Variants in CEBPZ observed in about 807,000 individuals in gnomAD.
The protein encoded by CEBPZ is CCAAT/enhancer-binding protein zeta.
CEBPZ carries 78 observed loss-of-function variants against 104.5 expected under a neutral mutation model. The ratio of observed to expected loss-of-function variants is 0.75; its 90% CI spans 0.62 to 0.90. The LOEUF is 0.90. Ranked by LOEUF, CEBPZ falls within the 40% of genes least tolerant of loss-of-function variation. The probability of loss-of-function intolerance (pLI) is 0.00; values close to 1 mark genes in which losing one functional copy is unlikely to be tolerated. For missense variants in CEBPZ, 1,439 were observed against 1,233.5 expected, an observed-to-expected ratio of 1.17 and a Z score of -2.50; for synonymous variants, 470 against 427.0, an observed-to-expected ratio of 1.10 and a Z score of -1.24.
At chr2:37,211,395 G>A (rs945852788) in intron 12 of CEBPZ, 1 of 251,642 alleles carries the variant, frequency 4.0e-6, no homozygotes, top group African/African-American at 2.2e-5. Context: ...ATGTTGGGCA[G>A]GCATGTGCAT....
chr2:37,223,384 C>T lies in CEBPZ; in HGVS notation c.1667G>A (p.Gly556Glu). Residue 556 changes from glycine (G) to glutamate (E), a missense_variant, in exon 3 of 16, where the codon GGG (glycine) becomes GAG (glutamate). Transcript: ENST00000234170. ...TALYRKMLDP[G>E]LMTCSKQAMF... ...AGCTTGCTTGGAACACGTCATCAACCCTGGATCCAACATCTTCCTGCAAAA... is the reference window on the plus strand; with the variant it reads ...AGCTTGCTTGGAACACGTCATCAACTCTGGATCCAACATCTTCCTGCAAAA... The T allele has an allele frequency of 6.2e-7, 1 of 1,613,850 alleles. No homozygotes were observed. Among genetic ancestry groups the T allele is most frequent in the Non-Finnish European group, 8.5e-7 (1 of 1,179,858 alleles).
intron 9 of CEBPZ, among the ~76,000 whole-genome samples, chr2:37,214,437 C>T (rs985282212): frequency 6.6e-6 from 1 of 152,042 alleles, no homozygotes; most frequent in African/African-American, 2.4e-5. Flanking sequence ...ATAAATTACC[C>T]ATGAGTTATC....
intron 4 of CEBPZ, among the ~76,000 whole-genome samples, 186 bp downstream of exon 4, chr2:37,222,194 G>A (rs1558476004): frequency 1.3e-5 from 2 of 152,196 alleles, no homozygotes; most frequent in Non-Finnish European, 2.9e-5. Flanking sequence ...TGAGGCAGGA[G>A]AATCACTTGA....
At chr2:37,205,356 AACTGATG>A (rs1313189927) in intron 13 of CEBPZ, among the ~76,000 whole-genome samples, 1 of 152,180 alleles carries the variant, frequency 6.6e-6, no homozygotes, top group Non-Finnish European at 1.5e-5. Context: ...TTCCTGCCTT[AACTGATG>A]ACATTATCTT....
chr2:37,224,571 TCTTTACATTTAAATTTTC>T (rs1558477011), intron 2 of CEBPZ, among the ~76,000 whole-genome samples: 1 of 46,576 alleles, frequency 2.1e-5, no homozygotes, highest in Non-Finnish European at 3.8e-5. Flanking sequence ...AAATTTTCCC[TCTTTACATTTAAATTTTC>T]CAACATTTCC....
intron 1 of CEBPZ, 147 bp downstream of exon 1, chr2:37,231,265 A>C (rs924291049): frequency 9.4e-7 from 1 of 1,059,562 alleles, no homozygotes; most frequent in East Asian, 2.5e-5. Context: ...CCGGCGTGGG[A>C]AGCGCACCGA....
rs1468406304 is a variant in CEBPZ at position 37,223,376 on chromosome 2, T to A, written c.1675A>T (p.Thr559Ser). ...YRKMLDPGLM[T>S]CSKQAMFLNL... ...AGAAACATAGCTTGCTTGGAACACGTCATCAACCCTGGATCCAACATCTTC... is the reference window on the plus strand; with the variant it reads ...AGAAACATAGCTTGCTTGGAACACGACATCAACCCTGGATCCAACATCTTC... The change falls in exon 3 of 16, where the codon ACG becomes TCG. Residue 559 changes from threonine (T) to serine (S), a missense_variant. Physicochemically the swap from Thr to Ser is moderately conservative, Grantham distance 58. Transcript: ENST00000234170. 1.2e-6 allele frequency: 2 copies of A among 1,614,152 alleles called. No individual in the cohort carries two copies. Among genetic ancestry groups the A allele is most frequent in the South Asian group, 1.1e-5 (1 of 91,076 alleles).
intron 10 of CEBPZ, chr2:37,213,287 G>T (rs1677784100): frequency 6.6e-6 from 1 of 152,210 alleles, no homozygotes. Flanking sequence ...ATGAGATTTG[G>T]CTGTAACAAT....
In CEBPZ at chr2:37,201,817, A is replaced by C; in HGVS notation, c.3112T>G (p.Phe1038Val). The change falls in exon 16 of 16, where the codon TTT becomes GTT. Residue 1038 changes from phenylalanine (F) to valine (V), a missense_variant. Phe to Val is a conservative substitution (Grantham distance 50). Transcript: ENST00000234170. ...GTGGTTTTAATCCTCTTCTTTTTAA[A>C]ATGTTTCTTTTTCTTGATGATACTT... ...AKSIIKKKKH[F>V]KKKRIKTTQK... 6.3e-7 allele frequency: 1 copy of C among 1,594,012 alleles called. No homozygotes were observed. The highest frequency in any genetic ancestry group is 8.6e-7 in the Non-Finnish European group (1 of 1,161,634).
chr2:37,228,127 C>G lies in CEBPZ; in HGVS notation c.1066G>C (p.Asp356His). The G allele has an allele frequency of 6.2e-7, 1 of 1,614,180 alleles. No individual in the cohort carries two copies. Among genetic ancestry groups the G allele is most frequent in the Non-Finnish European group, 8.5e-7 (1 of 1,180,032 alleles). ...FVQVLETLSH[D>H]TLVTTKTRAL... ...CGAGTTTTAGTGGTTACTAATGTATCATGACTTAAAGTTTCTAAGACCTGC... is the reference window on the plus strand; with the variant it reads ...CGAGTTTTAGTGGTTACTAATGTATGATGACTTAAAGTTTCTAAGACCTGC... Residue 356 changes from aspartate (D) to histidine (H), a missense_variant, in exon 2 of 16, where the codon GAT becomes CAT. Coordinates refer to ENST00000234170, the MANE Select transcript of CEBPZ (RefSeq NM_005760.3).
intron 10 of CEBPZ, among the ~76,000 whole-genome samples, chr2:37,213,182 TAAAGATA>T (rs747748578): frequency 2.0e-5 from 3 of 152,226 alleles, no homozygotes; most frequent in Non-Finnish European, 1.5e-5. Context: ...CTCTGTGGAT[TAAAGATA>T]AAAAAGATCA....
At chr2:37,217,181 T>C in intron 5 of CEBPZ, 144 bp from the exon 6 acceptor site, 1 of 639,556 alleles carries the variant, frequency 1.6e-6, no homozygotes. Context: ...GCAGATTGCT[T>C]GAGCCCAGAA....
At chr2:37,231,015 G>T (rs1665065907) in intron 1 of CEBPZ, among the ~76,000 whole-genome samples, 1 of 152,098 alleles carries the variant, frequency 6.6e-6, no homozygotes, top group Non-Finnish European at 1.5e-5. Context: ...AAAAAAGAGG[G>T]CTTCTGGGGC....
At position 37,223,183 on chromosome 2, in the gene CEBPZ, A is replaced by G; in HGVS notation, c.1868T>C (p.Leu623Pro). 1 of 1,612,760 alleles carries G rather than the reference A, an allele frequency of 6.2e-7. No homozygotes were observed. The highest frequency in any genetic ancestry group is 8.5e-7 in the Non-Finnish European group (1 of 1,178,836). Residue 623 changes from leucine to proline, a missense_variant, in exon 3 of 16, where the codon CTA becomes CCA. Physicochemically the swap from Leu to Pro is moderately conservative, Grantham distance 98 (BLOSUM62 -3). Transcript: ENST00000234170. ...LKAKPGLRSQ[L>P]DDHPESDDEE... is the part of the protein sequence containing the mutation. ...TGTAAAATATACCGGATGATCATCT[A>G]GTTGGCTTCTTAAACCTGGTTTTGC...
intron 11 of CEBPZ, 121 bp from the exon 12 acceptor site, chr2:37,212,160 CAGAGT>C: frequency 9.9e-7 from 1 of 1,006,970 alleles, no homozygotes; most frequent in South Asian, 1.6e-5. Context: ...GCAGACTGCT[CAGAGT>C]AAATAATAAC....
At chr2:37,215,060 A>T in intron 8 of CEBPZ, 108 bp from the exon 9 acceptor site, 11 of 729,572 alleles carry the variant, frequency 1.5e-5, no homozygotes, top group Admixed American at 2.4e-5. Flanking sequence ...AAATCTCAGA[A>T]TTGTGTGGGA....
chr2:37,206,099 T>C (rs1355923948), intron 13 of CEBPZ, among the ~76,000 whole-genome samples: 1 of 152,214 alleles, frequency 6.6e-6, no homozygotes, highest in Non-Finnish European at 1.5e-5. Flanking sequence ...TCCAATCTGC[T>C]GGGGCCCTGG....
In CEBPZ at chr2:37,228,358, T is replaced by C; in HGVS notation, c.835A>G (p.Lys279Glu). The change falls in exon 2 of 16, where the codon AAA becomes GAA. Residue 279 changes from lysine (K) to glutamate (E), a missense_variant. Lys to Glu is a moderately conservative substitution (Grantham distance 56). Coordinates refer to ENST00000234170, the MANE Select transcript of CEBPZ (RefSeq NM_005760.3). ...LVNLVKKKGS[K>E]QQCLMALDTF... is the part of the protein sequence containing the mutation. ...TCCAAGGCCATAAGGCACTGCTGTT[T>C]GCTGCCCTTCTTTTTAACAAGGTTC... 1 of 1,614,252 alleles carries C rather than the reference T, an allele frequency of 6.2e-7. No homozygotes were observed. The highest frequency in any genetic ancestry group is 8.5e-7 in the Non-Finnish European group (1 of 1,180,040).
chr2:37,220,328 A>G (rs866654626), intron 5 of CEBPZ, 57 bp downstream of exon 5: 2 of 501,514 alleles, frequency 4.0e-6, no homozygotes, highest in Non-Finnish European at 6.1e-6. Context: ...AAAAAAAAAA[A>G]ATATATATAT....
Sources: gnomAD v4.1 joint callset for allele counts (sites outside exome capture counted in the v4.1 genomes callset) on GRCh38, gnomAD v4.1.1 for gene constraint, MANE v1.5 for transcripts, NCBI Gene and HGNC (gene_info 2026-07-23, HGNC 2026-07-21) for gene names.